The following SLC7A2 variants were observed in gnomAD, a reference collection of about 807,000 sequenced individuals.
SLC7A2 encodes solute carrier family 7 member 2.
Under a neutral mutation model 58.9 loss-of-function variants are expected in SLC7A2, and 48 were observed. The observed-to-expected ratio is 0.82, with a 90% CI of 0.65 to 1.04. SLC7A2 has a LOEUF of 1.04. Ranked by LOEUF, SLC7A2 falls within the 50% of genes least tolerant of loss-of-function variation. The pLI is 0.00. For missense variants in SLC7A2, 1,029 were observed against 818.8 expected (o/e 1.26, Z -3.13); for synonymous variants, 363 against 314.5 (o/e 1.15, Z -1.63).
At chr8:17,511,556 A>C (rs1163013216) in intron 2 of SLC7A2, among the ~76,000 whole-genome samples, 1 of 152,226 alleles carries the variant, frequency 6.6e-6, no homozygotes, top group Non-Finnish European at 1.5e-5. Flanking sequence ...TGTACAAATT[A>C]TTCACAGAAT....
chr8:17,551,253 G>A (rs1353001960), intron 6 of SLC7A2, among the ~76,000 whole-genome samples: 4 of 151,998 alleles, frequency 2.6e-5, no homozygotes, highest in South Asian at 2.1e-4. Context: ...TCTGGGAATC[G>A]GATTTTTACG....
chr8:17,506,895 G>GT (rs1188829265), intron 2 of SLC7A2, among the ~76,000 whole-genome samples: 1 of 150,788 alleles, frequency 6.6e-6, no homozygotes, highest in Non-Finnish European at 1.5e-5. Flanking sequence ...AGACCATTCT[G>GT]TTTTTGTGAA....
At position 17,568,470 on chromosome 8, in the gene SLC7A2, A is replaced by G. The variant is rs1803367425; in HGVS notation, c.*3324A>G. 2.0e-5 allele frequency: 3 copies of G among 152,182 alleles called. No individual in the cohort carries two copies. The highest frequency in any genetic ancestry group is 2.9e-5 in the Non-Finnish European group (2 of 68,030). The allele number at this position is 152,182 out of a possible 1,614,324, so 9.4% of individuals were successfully genotyped here. A position where few individuals can be genotyped will look rare whatever the true frequency, so the allele number is the denominator to read the frequency against. Reference sequence around the variant, plus strand: ...AGAGAGATATATATGAAAAAGTAACATTAATATATAGAACTTTACCATCAC... The same window carrying G: ...AGAGAGATATATATGAAAAAGTAACGTTAATATATAGAACTTTACCATCAC... On this transcript the variant is annotated 3_prime_UTR_variant, in exon 13 of 13. Transcript: ENST00000494857.
In SLC7A2 at chr8:17,548,663, G is replaced by T; in HGVS notation, c.533-15G>T. 6.3e-7 allele frequency: 1 copy of T among 1,580,822 alleles called. No homozygotes were observed. The highest frequency in any genetic ancestry group is 8.6e-7 in the Non-Finnish European group (1 of 1,163,246). On this transcript the variant is annotated splice_polypyrimidine_tract_variant and intron_variant, in intron 4 of 12. Coordinates refer to ENST00000494857, the MANE Select transcript of SLC7A2 (RefSeq NM_001370338.1). Reference sequence around the variant, plus strand: ...CCTAAAGCTAAATAAAAATTGAAATGCCCTTTTTCCATAGGTCTTTTGTCT... The same window carrying T: ...CCTAAAGCTAAATAAAAATTGAAATTCCCTTTTTCCATAGGTCTTTTGTCT...
chr8:17,508,300 C>T (rs1370875144), intron 2 of SLC7A2, among the ~76,000 whole-genome samples: 1 of 152,036 alleles, frequency 6.6e-6, no homozygotes, highest in Non-Finnish European at 1.5e-5. Context: ...GTCTTTTTTG[C>T]TACAGAGTAC....
intron 2 of SLC7A2, among the ~76,000 whole-genome samples, chr8:17,521,417 G>A (rs1209203323): frequency 6.6e-6 from 1 of 152,178 alleles, no homozygotes; most frequent in Non-Finnish European, 1.5e-5. Context: ...ATATTTCCTT[G>A]ATACTTAATT....
intron 2 of SLC7A2, among the ~76,000 whole-genome samples, chr8:17,503,298 C>T (rs922365733): frequency 6.9e-4 from 105 of 152,222 alleles, no homozygotes; most frequent in African/African-American, 2.4e-3. Flanking sequence ...GATCTGCCCG[C>T]CTCGGCCTCC....
rs1020103490 is a variant in SLC7A2 at position 17,567,155 on chromosome 8, G to A, written c.*2009G>A. ...AGCTGCGTGGTTTACTGGAGAGAAG[G>A]AGTTGGATAAGCACAGGCTCGGGTA... On this transcript the variant is annotated 3_prime_UTR_variant, in exon 13 of 13. Coordinates refer to ENST00000494857, the MANE Select transcript of SLC7A2 (RefSeq NM_001370338.1). 3 of 152,624 alleles carry A rather than the reference G, an allele frequency of 2.0e-5. No individual in the cohort carries two copies. Among genetic ancestry groups the A allele is most frequent in the African/African-American group, 7.2e-5 (3 of 41,442 alleles). The allele number at this position is 152,624 out of a possible 1,614,324, so 9.5% of individuals were successfully genotyped here.
rs1296618802 is a variant in SLC7A2 at position 17,562,033 on chromosome 8, C to G, written c.1594C>G (p.Leu532Val). Residue 532 changes from leucine to valine, a missense_variant, in exon 11 of 13, where the codon CTG becomes GTG. Coordinates refer to ENST00000494857, the MANE Select transcript of SLC7A2 (RefSeq NM_001370338.1). ...LEAWSLALLALFLVLFVAIVL... is the reference protein window; with the variant it reads ...LEAWSLALLAVFLVLFVAIVL... ...GGCCTGGAGCCTCGCTCTCCTCGCG[C>G]TGTTTCTTGTTCTCTTCGTTGCCAT... 6 of 1,614,076 alleles carry G rather than the reference C, an allele frequency of 3.7e-6. No homozygotes were observed. The South Asian group carries it at 6.6e-5, about 18-fold the overall frequency.
At chr8:17,509,505 C>T (rs1319653880) in intron 2 of SLC7A2, among the ~76,000 whole-genome samples, 2 of 151,966 alleles carry the variant, frequency 1.3e-5, no homozygotes, top group Admixed American at 6.6e-5. Context: ...AGGGTTTCAT[C>T]GTGATGGCTA....
intron 9 of SLC7A2, 62 bp downstream of exon 9, chr8:17,558,459 T>A (rs1802813169): frequency 9.3e-7 from 1 of 1,070,536 alleles, no homozygotes; most frequent in African/African-American, 1.6e-5. Flanking sequence ...AGTGAGAAAA[T>A]GAGCCCTCAC....
At chr8:17,551,148 A>G (rs997260044) in intron 6 of SLC7A2, among the ~76,000 whole-genome samples, 2 of 152,200 alleles carry the variant, frequency 1.3e-5, no homozygotes, top group African/African-American at 4.8e-5. Context: ...CTGAACACTT[A>G]GTAGTGCTGC....
chr8:17,550,016 C>A (rs1373656945), intron 5 of SLC7A2, among the ~76,000 whole-genome samples: 1 of 152,186 alleles, frequency 6.6e-6, no homozygotes, highest in East Asian at 1.9e-4. Flanking sequence ...AATCTCTGCT[C>A]TCAAAATCCT....
At chr8:17,563,389 G>C (rs73196198) in intron 11 of SLC7A2, among the ~76,000 whole-genome samples, 8,451 of 152,146 alleles carry the variant, frequency 0.056, 327 homozygotes, top group African/African-American at 0.11. Context: ...GATTGTGCAG[G>C]TGTTACTGAA....
chr8:17,524,828 G>T (rs1801160256), intron 2 of SLC7A2, among the ~76,000 whole-genome samples: 2 of 151,952 alleles, frequency 1.3e-5, no homozygotes, highest in Non-Finnish European at 2.9e-5. Flanking sequence ...TTGTAGCAGG[G>T]ATTAACATAC....
chr8:17,554,755 T>A (rs1231094304), intron 8 of SLC7A2, 56 bp downstream of exon 8: 1 of 1,527,588 alleles, frequency 6.5e-7, no homozygotes, highest in Non-Finnish European at 8.8e-7. Context: ...TCAAGGACTC[T>A]GCATTAAAAA....
chr8:17,549,420 T>C (rs1802340881), intron 5 of SLC7A2, among the ~76,000 whole-genome samples: 1 of 152,248 alleles, frequency 6.6e-6, no homozygotes, highest in Non-Finnish European at 1.5e-5. Context: ...TGTGAACCCA[T>C]GCAGCTGCTG....
chr8:17,548,325 A>C (rs528208355), intron 4 of SLC7A2, among the ~76,000 whole-genome samples: 13 of 152,354 alleles, frequency 8.5e-5, no homozygotes, highest in Admixed American at 5.9e-4. Context: ...AGGGAAACAG[A>C]GCGAGACTCT....
intron 8 of SLC7A2, among the ~76,000 whole-genome samples, chr8:17,556,036 G>A (rs1802686072): frequency 6.6e-6 from 1 of 151,994 alleles, no homozygotes; most frequent in Admixed American, 6.6e-5. Context: ...TTTTTTTCAG[G>A]GTCAGAATGT....
Sources: allele counts gnomAD v4.1 joint callset (sites outside exome capture counted in the v4.1 genomes callset), GRCh38; gene constraint gnomAD v4.1.1; transcripts MANE v1.5; gene names NCBI Gene and HGNC (gene_info 2026-07-23, HGNC 2026-07-21).